The following ACTN1 variants were observed in gnomAD, a reference collection of about 807,000 sequenced individuals.
ACTN1 encodes actinin alpha 1, also known as alpha-actinin-1.
ACTN1 carries 30 observed loss-of-function variants against 119.6 expected under a neutral mutation model. The ratio of observed to expected loss-of-function variants is 0.25; its 90% confidence interval spans 0.19 to 0.34. The LOEUF is 0.34. ACTN1 is among the 10% of genes least tolerant of loss of function. The pLI is 1.00. For missense variants in ACTN1, 764 were observed against 1,223.4 expected (o/e 0.62, Z 5.60); for synonymous variants, 429 against 472.6 (o/e 0.91, Z 1.20).
At chr14:68,901,468 G>A (rs1365865204) in intron 8 of ACTN1, among the ~76,000 whole-genome samples, 4 of 151,976 alleles carry the variant, frequency 2.6e-5, no homozygotes, top group Admixed American at 6.6e-5. Context: ...GGCTGGTCTC[G>A]AACTCCTGGC....
chr14:68,973,569 T>G (rs957096765), intron 1 of ACTN1, among the ~76,000 whole-genome samples: 4 of 152,228 alleles, frequency 2.6e-5, no homozygotes, highest in East Asian at 1.9e-4. Context: ...TTACCCAGTC[T>G]TGGGTATGTC....
intron 1 of ACTN1, among the ~76,000 whole-genome samples, chr14:68,948,317 C>T (rs1287261777): frequency 2.6e-5 from 4 of 152,224 alleles, no homozygotes; most frequent in African/African-American, 9.6e-5. Flanking sequence ...GGGCTCACGC[C>T]TATAATCCCA....
chr14:68,904,438 T>A lies in ACTN1; in HGVS notation c.676+217A>T, dbSNP rs7141689. 0.2 allele frequency among the ~76,000 whole-genome samples: 30,609 copies of A among 152,114 alleles called. 3,336 individuals are homozygous for A. The highest frequency in any genetic ancestry group is 0.28 in the African/African-American group (11,555 of 41,480). ...AGGCAGTCGATGCAAGAACAGCCCC[T>A]AAGACCTTTGCAGAATCAACTAACA... On this transcript the variant is annotated intron_variant, in intron 7 of 21. Transcript: ENST00000394419.
intron 8 of ACTN1, among the ~76,000 whole-genome samples, chr14:68,894,016 G>A (rs904108156): frequency 2.0e-5 from 3 of 152,146 alleles, no homozygotes; most frequent in Non-Finnish European, 2.9e-5. Flanking sequence ...GGCCCAACCT[G>A]CAGGTTGGGA....
rs146127023 is a variant in ACTN1 at position 68,911,998 on chromosome 14, T to C, written c.427+158A>G. Among the ~76,000 whole-genome samples the C allele has an allele frequency of 0.017, 2,569 of 152,282 alleles. 66 individuals carry two copies. Among genetic ancestry groups the C allele is most frequent in the South Asian group, 0.026 (127 of 4,824 alleles). The stretch of plus-strand genomic sequence containing the variant: ...ATGGCAAACAGTTCTTTTTTCTACA[T>C]TGACTGGAGGAGAAGGCTGATGCCC... On this transcript the variant is annotated intron_variant, in intron 4 of 21. Transcript: ENST00000394419.
chr14:68,881,045 T>C, intron 16 of ACTN1, 56 bp from the exon 17 acceptor site: 1 of 1,552,504 alleles, frequency 6.4e-7, no homozygotes, highest in Non-Finnish European at 8.8e-7. Flanking sequence ...TCCCATAGGG[T>C]GGGGACTGGG....
chr14:68,901,890 C>T (rs2033363735), intron 8 of ACTN1, among the ~76,000 whole-genome samples: 1 of 152,184 alleles, frequency 6.6e-6, no homozygotes, highest in African/African-American at 2.4e-5. Context: ...AGAGGTTCTG[C>T]TTATGTCTGA....
intron 11 of ACTN1, chr14:68,887,529 A>C: frequency 7.9e-7 from 1 of 1,259,182 alleles, no homozygotes; most frequent in Non-Finnish European, 1.1e-6. Context: ...CACCCGAGAC[A>C]GTCAAAGCCT....
chr14:68,885,812 G>A lies in ACTN1; in HGVS notation c.1235-237C>T, dbSNP rs1323014861. ...CTTCCAAGGCCATGAAAGTGTCTAC[G>A]CAGGAAGGCTATGCAGGAGTCTGTG... is the stretch of plus-strand genomic sequence containing the variant. On this transcript the variant is annotated intron_variant, in intron 11 of 21. Coordinates refer to ENST00000394419, the MANE Select transcript of ACTN1 (RefSeq NM_001130004.2). The surrounding 1 kb of genome is among the most constrained non-coding windows in gnomAD (Gnocchi z 5.6). 2.2e-5 allele frequency: 12 copies of A among 534,528 alleles called. No individual in the cohort carries two copies. The highest frequency in any genetic ancestry group is 9.3e-5 in the Admixed American group (3 of 32,170). The allele number at this position is 534,528 out of a possible 1,614,324, so 33.1% of individuals were successfully genotyped here.
At chr14:68,883,333 G>A in intron 14 of ACTN1, 1 of 396,216 alleles carries the variant, frequency 2.5e-6, no homozygotes, top group Non-Finnish European at 4.6e-6. Flanking sequence ...TGCTCCAGAG[G>A]CTCACTACCC....
Position 68,904,742 on chromosome 14 carries a change from G to A in ACTN1, c.595-6C>T. On this transcript the variant is annotated splice_region_variant and splice_polypyrimidine_tract_variant and intron_variant, in intron 6 of 21. Transcript: ENST00000394419. ...AGATTTGTGAGTGGATCATCCTAGA[G>A]GGAGAAAAGGAGGAAGGGATGATAA... The A allele has an allele frequency of 6.2e-7, 1 of 1,611,540 alleles. No individual in the cohort carries two copies. The highest frequency in any genetic ancestry group is 2.2e-5 in the East Asian group (1 of 44,842).
rs1430863814 is a variant in ACTN1, at chr14:68,883,003, T to C, written c.1688A>G (p.Lys563Arg). ...GATGCCCAGGATGGCCAGGCGCTCC[T>C]TGTCGGCATCAGGGAGGGTGGCCTT... ...QFKATLPDADKERLAILGIHN... is the reference protein window; with the variant it reads ...QFKATLPDADRERLAILGIHN... Residue 563 changes from lysine to arginine, a missense_variant, in exon 15 of 22, where the codon AAG becomes AGG. Physicochemically the swap from Lys to Arg is conservative, Grantham distance 26. Transcript: ENST00000394419. 3.7e-6 allele frequency: 6 copies of C among 1,614,222 alleles called. No homozygotes were observed. In the South Asian group the frequency reaches 4.4e-5, roughly 12 times the overall value.
Position 68,978,668 on chromosome 14 carries a change from G to T in ACTN1, c.105+284C>A, listed in dbSNP as rs4902684. The T allele has an allele frequency of 0.34, 104,223 of 309,582 alleles. 21,196 individuals are homozygous for T. The highest frequency in any genetic ancestry group is 0.89 in the East Asian group (12,757 of 14,272). The allele number at this position is 309,582 out of a possible 1,614,324, so 19.2% of individuals were successfully genotyped here. A position where few individuals can be genotyped will look rare whatever the true frequency, so the allele number is the denominator to read the frequency against. ...CCACGCGGGGATGGTTGCAACAGCC[G>T]CAGGGTGGCCTGGACCACGGACCCC... On this transcript the variant is annotated intron_variant, in intron 1 of 21. Transcript: ENST00000394419.
chr14:68,881,222 C>G, intron 16 of ACTN1: 1 of 448,926 alleles, frequency 2.2e-6, no homozygotes, highest in Admixed American at 3.7e-5. Context: ...GGATGAAATA[C>G]CTACCAACTC....
chr14:68,893,228 G>A (rs926682704), intron 9 of ACTN1, among the ~76,000 whole-genome samples: 1 of 152,242 alleles, frequency 6.6e-6, no homozygotes, highest in South Asian at 2.1e-4. Context: ...GGGGACAGCC[G>A]CTACTTTTGG....
At chr14:68,883,158 A>C (rs1027273023) in intron 14 of ACTN1, 103 bp from the exon 15 acceptor site, 22 of 1,233,994 alleles carry the variant, frequency 1.8e-5, no homozygotes, top group Middle Eastern at 2.8e-4. Context: ...GGAGACCAGG[A>C]GGCATCAATT....
intron 3 of ACTN1, among the ~76,000 whole-genome samples, chr14:68,912,994 T>C (rs2140306083): frequency 6.6e-6 from 1 of 152,322 alleles, no homozygotes; most frequent in East Asian, 1.9e-4. Context: ...GTTTTGTAAA[T>C]TGCCATCTTG....
intron 11 of ACTN1, chr14:68,887,718 A>C: frequency 7.2e-7 from 1 of 1,385,554 alleles, no homozygotes; most frequent in Non-Finnish European, 1.0e-6. Flanking sequence ...AATAGTTGAT[A>C]AAAAATATTC....
intron 1 of ACTN1, among the ~76,000 whole-genome samples, chr14:68,955,026 A>G (rs545910549): frequency 1.3e-5 from 2 of 152,212 alleles, no homozygotes; most frequent in South Asian, 4.2e-4. Flanking sequence ...CAGACCTGTA[A>G]CAGCTCCCCT....
Sources: gnomAD v4.1 joint callset for allele counts (sites outside exome capture counted in the v4.1 genomes callset) on GRCh38, gnomAD v4.1.1 for gene constraint, Gnocchi (gnomAD v3.1) non-coding constraint, MANE v1.5 for transcripts, NCBI Gene and HGNC (gene_info 2026-07-23, HGNC 2026-07-21) for gene names.